The following SMS variants were observed in gnomAD, a reference collection of about 807,000 sequenced individuals.
SMS encodes spermidine aminopropyltransferase.
Under a neutral mutation model 33.0 loss-of-function variants are expected in SMS, and 3 were observed. That is an observed-to-expected ratio of 0.09 (90% CI 0.04 to 0.23). SMS has a LOEUF of 0.23. Among genes scored for constraint, SMS ranks in the 10% least tolerant of loss-of-function variants. The probability of loss-of-function intolerance (pLI) is 1.00; values close to 1 mark genes in which losing one functional copy is unlikely to be tolerated. For missense variants in SMS, 117 were observed against 288.6 expected, an observed-to-expected ratio of 0.41 and a Z score of 4.31; for synonymous variants, 103 against 112.2, an observed-to-expected ratio of 0.92 and a Z score of 0.52.
intron 2 of SMS, among the ~76,000 whole-genome samples, chrX:21,971,638 C>T (rs1231385037): frequency 8.9e-6 from 1 of 112,213 alleles, no homozygotes; most frequent in Non-Finnish European, 1.9e-5. Context: ...CACAGAACTG[C>T]TACTGAATCA....
chrX:21,958,817 C>T (rs1923147612), intron 1 of SMS, among the ~76,000 whole-genome samples: 1 of 113,041 alleles, frequency 8.8e-6, no homozygotes, highest in African/African-American at 3.2e-5. Context: ...GCTGGGATTA[C>T]AAGCATGTGC....
At chrX:21,976,906 G>A (rs913269724) in intron 4 of SMS, among the ~76,000 whole-genome samples, 155 bp from the exon 5 acceptor site, 2 of 112,427 alleles carry the variant, frequency 1.8e-5, no homozygotes, top group Non-Finnish European at 3.8e-5. Flanking sequence ...GGTGGTGGCC[G>A]TGATTATATA....
intron 1 of SMS, among the ~76,000 whole-genome samples, chrX:21,949,165 A>G (rs1219344564): frequency 8.9e-6 from 1 of 111,996 alleles, no homozygotes; most frequent in Non-Finnish European, 1.9e-5. Context: ...GGTAAGAGCC[A>G]GTAGCATGTT....
intron 9 of SMS, among the ~76,000 whole-genome samples, chrX:21,988,612 C>T (rs747799375): frequency 9.9e-6 from 1 of 101,031 alleles, no homozygotes; most frequent in Admixed American, 1.2e-4. Flanking sequence ...TTGCAGTGAG[C>T]CGAGATCACG....
intron 1 of SMS, among the ~76,000 whole-genome samples, chrX:21,946,459 A>G (rs1922237181): frequency 1.8e-5 from 2 of 112,691 alleles, no homozygotes; most frequent in South Asian, 7.3e-4. Flanking sequence ...AACCCTAGGT[A>G]GGTCTTGTTA....
chrX:21,965,903 C>T (rs367679753), intron 1 of SMS, among the ~76,000 whole-genome samples: 7 of 111,611 alleles, frequency 6.3e-5, no homozygotes, highest in African/African-American at 2.3e-4. Flanking sequence ...TTGCATTGAG[C>T]CGAGATTGCG....
chrX:21,949,906 T>C (rs941921162), intron 1 of SMS, among the ~76,000 whole-genome samples: 1 of 110,145 alleles, frequency 9.1e-6, no homozygotes, highest in Non-Finnish European at 1.9e-5. Context: ...ATTTCCAGAT[T>C]AGGGACTTTG....
chrX:21,963,967 C>T (rs1186174571), intron 1 of SMS, among the ~76,000 whole-genome samples: 1 of 111,508 alleles, frequency 9.0e-6, no homozygotes, highest in Non-Finnish European at 1.9e-5. Context: ...TGGCTCAGTA[C>T]ACTCAAGCCA....
intron 1 of SMS, among the ~76,000 whole-genome samples, chrX:21,955,572 C>T (rs972623006): frequency 1.8e-5 from 2 of 111,942 alleles, no homozygotes; most frequent in Non-Finnish European, 3.8e-5. Context: ...CTTTTTGTTA[C>T]TTCTCTAACT....
chrX:21,959,168 A>C (rs1235707479), intron 1 of SMS, among the ~76,000 whole-genome samples: 1 of 112,707 alleles, frequency 8.9e-6, no homozygotes, highest in Non-Finnish European at 1.9e-5. Context: ...TAAGTAAGGC[A>C]TGCCAAAGGA....
Position 21,984,342 on chromosome X carries a change from C to T in SMS, c.789C>T (p.Tyr263=), listed in dbSNP as rs201590846. The T allele has an allele frequency of 1.6e-5, 19 of 1,194,821 alleles. No homozygotes were observed. Among genetic ancestry groups the T allele is most frequent in the South Asian group, 1.2e-4 (7 of 56,565 alleles). Residue 263 remains tyrosine (Y), a synonymous_variant, in exon 8 of 11, where the codon TAC becomes TAT. Coordinates refer to ENST00000404933, the MANE Select transcript of SMS (RefSeq NM_004595.5). The stretch of plus-strand genomic sequence containing the variant: ...ACTGTATCCCGGTACTGAAGAGGTA[C>T]GCCAAAGAAGGGAGAGAATTTGATT... The part of the protein sequence containing the change: ...IEDCIPVLKR[Y]AKEGREFDYV...
chrX:21,947,229 A>G (rs1285018736), intron 1 of SMS, among the ~76,000 whole-genome samples: 4 of 111,629 alleles, frequency 3.6e-5, no homozygotes. Context: ...GTCCCACTAC[A>G]CTTTAATCCC....
chrX:21,989,740 T>TTTG (rs377453488), intron 9 of SMS, among the ~76,000 whole-genome samples: 4 of 111,190 alleles, frequency 3.6e-5, no homozygotes, highest in East Asian at 2.8e-4. Context: ...TAAACTTTTT[T>TTTG]TTGTTGTTGT....
At chrX:21,960,292 C>G (rs1037681008) in intron 1 of SMS, among the ~76,000 whole-genome samples, 5 of 110,599 alleles carry the variant, frequency 4.5e-5, no homozygotes, top group Admixed American at 2.9e-4. Flanking sequence ...GCCTTCATAA[C>G]TAAAAATATG....
chrX:21,994,233 T>C, intron 10 of SMS, 79 bp from the exon 11 acceptor site: 2 of 926,573 alleles, frequency 2.2e-6, no homozygotes. Context: ...TCTTTCAATT[T>C]GTAGGCCAGC....
At position 21,941,884 on chromosome X, in the gene SMS, C is replaced by CA. The variant is rs760394146; in HGVS notation, c.49+1050dup. On this transcript the variant is annotated intron_variant, in intron 1 of 10. Coordinates refer to ENST00000404933, the MANE Select transcript of SMS (RefSeq NM_004595.5). Reference sequence around the variant, plus strand: ...TGGGCGACAGAGCAAGACCCTGTCTCAAAAAAAAAAAAAAAAAAAAAAAAA... The same window carrying CA: ...TGGGCGACAGAGCAAGACCCTGTCTCAAAAAAAAAAAAAAAAAAAAAAAAAA... Among the ~76,000 whole-genome samples the CA allele has an allele frequency of 1.8e-3, 36 of 19,569 alleles. 7 individuals carry two copies. The highest frequency in any genetic ancestry group is 2.9e-3 in the Non-Finnish European group (30 of 10,376). 17.0% of individuals were successfully genotyped at this position (19,569 alleles called of 115,157 possible).
rs1202203377 is a variant in SMS at position 21,972,472 on chromosome X, T to C, written c.265-35T>C. ...TAATTTAGTTCTTCCATGCAGCTTA[T>C]TCTACAAGCCCATTGATTTTTCTTT... On this transcript the variant is annotated intron_variant, in intron 3 of 10. Transcript: ENST00000404933. 4.1e-6 allele frequency: 4 copies of C among 971,390 alleles called. No homozygotes were observed. The South Asian group carries it at 5.8e-5, about 14-fold the overall frequency. The allele number at this position is 971,390 out of a possible 1,213,427, so 80.1% of individuals were successfully genotyped here. A position where few individuals can be genotyped will look rare whatever the true frequency, so the allele number is the denominator to read the frequency against.
chrX:21,948,287 G>A (rs895271419), intron 1 of SMS, among the ~76,000 whole-genome samples: 1 of 110,883 alleles, frequency 9.0e-6, no homozygotes, highest in African/African-American at 3.3e-5. Flanking sequence ...AAATGCTTTG[G>A]AAGGGATGAC....
At chrX:21,950,123 G>A (rs1022632191) in intron 1 of SMS, among the ~76,000 whole-genome samples, 3 of 111,419 alleles carry the variant, frequency 2.7e-5, no homozygotes, top group Non-Finnish European at 5.7e-5. Context: ...GACTGATTTC[G>A]AGCTCCTGGA....
Sources: gnomAD v4.1 joint callset for allele counts (sites outside exome capture counted in the v4.1 genomes callset) on GRCh38, gnomAD v4.1.1 for gene constraint, MANE v1.5 for transcripts, NCBI Gene and HGNC (gene_info 2026-07-23, HGNC 2026-07-21) for gene names.